SLC4A4: variants seen among roughly 807,000 people sequenced by gnomAD.
SLC4A4 encodes solute carrier family 4 member 4.
Under a neutral mutation model 111.5 loss-of-function variants are expected in SLC4A4, and 27 were observed. That is an observed-to-expected ratio of 0.24 (90% CI 0.18 to 0.33). The LOEUF (loss-of-function observed/expected upper bound fraction) is 0.33, where lower values mean the gene tolerates loss of function less well. Ranked by LOEUF, SLC4A4 falls within the 10% of genes least tolerant of loss-of-function variation. The probability of loss-of-function intolerance (pLI) is 1.00; values close to 1 mark genes in which losing one functional copy is unlikely to be tolerated. For synonymous variants in SLC4A4, 443 were observed against 463.4 expected (o/e 0.96, Z 0.57); for missense variants, 909 against 1,315.5 (o/e 0.69, Z 4.78).
At chr4:71,539,776 A>G (rs903718996) in intron 18 of SLC4A4, among the ~76,000 whole-genome samples, 3 of 152,138 alleles carry the variant, frequency 2.0e-5, no homozygotes, top group African/African-American at 7.2e-5. Context: ...GGTCAGGACC[A>G]TGTTTTATTC....
chr4:71,503,921 G>T (rs1731164587), intron 16 of SLC4A4, among the ~76,000 whole-genome samples: 2 of 152,192 alleles, frequency 1.3e-5, no homozygotes, highest in East Asian at 1.9e-4. Context: ...TTATAGCTTT[G>T]CTGGATGTGG....
At chr4:71,147,516 C>G (rs546795760) in intron 2 of SLC4A4, among the ~76,000 whole-genome samples, 1 of 152,208 alleles carries the variant, frequency 6.6e-6, no homozygotes, top group African/African-American at 2.4e-5. Flanking sequence ...CACTTCTCCC[C>G]TGGATGAACC....
chr4:71,313,512 C>T (rs1354595725), intron 3 of SLC4A4, among the ~76,000 whole-genome samples: 3 of 152,174 alleles, frequency 2.0e-5, no homozygotes, highest in Admixed American at 6.6e-5. Context: ...CATCATGCTA[C>T]CTGACTTCAA....
chr4:71,429,580 A>G (rs764920162), intron 7 of SLC4A4, among the ~76,000 whole-genome samples: 7 of 152,198 alleles, frequency 4.6e-5, no homozygotes, highest in Non-Finnish European at 8.8e-5. Flanking sequence ...ATAGCCTGGT[A>G]AAGACAAAAG....
At chr4:71,344,730 A>T (rs995244443) in intron 4 of SLC4A4, among the ~76,000 whole-genome samples, 2 of 152,134 alleles carry the variant, frequency 1.3e-5, no homozygotes, top group Non-Finnish European at 2.9e-5. Flanking sequence ...GATTTCTTAC[A>T]TATTATTGAG....
chr4:71,243,250 C>T (rs1280638483), intron 2 of SLC4A4, among the ~76,000 whole-genome samples: 3 of 152,132 alleles, frequency 2.0e-5, no homozygotes, highest in African/African-American at 7.2e-5. Flanking sequence ...AAATGCATTT[C>T]CCCTTGTCTG....
intron 3 of SLC4A4, among the ~76,000 whole-genome samples, chr4:71,281,874 C>G (rs114916814): frequency 6.6e-6 from 1 of 151,188 alleles, no homozygotes; most frequent in African/African-American, 2.4e-5. Context: ...TTGAACAATA[C>G]GTAGCACTGG....
At chr4:71,273,634 G>A (rs563668728) in intron 3 of SLC4A4, among the ~76,000 whole-genome samples, 24 of 151,424 alleles carry the variant, frequency 1.6e-4, no homozygotes, top group Admixed American at 7.9e-4. Context: ...GGGTAAAGCC[G>A]ACTTGCTCCT....
Position 71,275,307 on chromosome 4 carries a change from C to T in SLC4A4, c.253+19908C>T, listed in dbSNP as rs139220885. The stretch of plus-strand genomic sequence containing the variant: ...TAGCAGAACACATTTTTTTTTCCCT[C>T]CAAAAGAACAACTTTGTCTTGAGCA... On this transcript the variant is annotated intron_variant, in intron 3 of 25. Transcript: ENST00000264485. 4.1e-4 allele frequency among the ~76,000 whole-genome samples: 62 copies of T among 152,068 alleles called. 1 individual carries two copies. In the East Asian group the frequency reaches 0.011, roughly 27 times the overall value.
At chr4:71,250,599 G>A (rs1159555509) in intron 2 of SLC4A4, among the ~76,000 whole-genome samples, 1 of 152,094 alleles carries the variant, frequency 6.6e-6, no homozygotes, top group Non-Finnish European at 1.5e-5. Flanking sequence ...TTAGGGTGAA[G>A]GGAAAGTAAC....
upstream of SLC4A4, among the ~76,000 whole-genome samples, chr4:71,186,100 A>G (rs543824435): frequency 6.6e-6 from 1 of 152,322 alleles, no homozygotes; most frequent in Admixed American, 6.5e-5. Flanking sequence ...TCAATAGTTT[A>G]CCAATGGCAA....
chr4:71,534,083 C>A, intron 17 of SLC4A4, 144 bp from the exon 18 acceptor site: 2 of 712,074 alleles, frequency 2.8e-6, no homozygotes, highest in East Asian at 2.7e-5. Flanking sequence ...GGTGAATAAT[C>A]TTCATTCTCT....
chr4:71,451,378 A>C (rs940495403), intron 11 of SLC4A4, 77 bp downstream of exon 11: 3 of 941,918 alleles, frequency 3.2e-6, no homozygotes, highest in Non-Finnish European at 5.2e-6. Flanking sequence ...TCAACATATT[A>C]TTCACTAGTT....
chr4:71,442,048 C>A (rs1213614463), intron 8 of SLC4A4, among the ~76,000 whole-genome samples: 1 of 152,110 alleles, frequency 6.6e-6, no homozygotes, highest in African/African-American at 2.4e-5. Flanking sequence ...TTATTTATGT[C>A]TCTCTAGACT....
intron 5 of SLC4A4, among the ~76,000 whole-genome samples, chr4:71,355,003 C>T (rs528230471): frequency 2.0e-5 from 3 of 152,280 alleles, no homozygotes; most frequent in South Asian, 4.2e-4. Context: ...CCCCACTTTC[C>T]TTTGAAGGAT....
intron 18 of SLC4A4, 118 bp downstream of exon 18, chr4:71,534,506 A>G: frequency 5.6e-6 from 5 of 899,954 alleles, no homozygotes; most frequent in Non-Finnish European, 7.1e-6. Context: ...AATGTTCCTT[A>G]AGAGTCCGCA....
At chr4:71,221,689 A>G (rs149668285) in intron 1 of SLC4A4, among the ~76,000 whole-genome samples, 1 of 152,206 alleles carries the variant, frequency 6.6e-6, no homozygotes, top group Admixed American at 6.5e-5. Context: ...AGTGGCAACA[A>G]CTTGAGTCAT....
chr4:71,455,073 C>A (rs1726106015), intron 12 of SLC4A4, among the ~76,000 whole-genome samples: 1 of 152,200 alleles, frequency 6.6e-6, no homozygotes, highest in Admixed American at 6.5e-5. Context: ...CAGAAAGAGG[C>A]AGTTGCCACT....
intron 2 of SLC4A4, among the ~76,000 whole-genome samples, chr4:71,143,221 A>G (rs1205062304): frequency 2.0e-5 from 3 of 151,880 alleles, no homozygotes; most frequent in African/African-American, 7.3e-5. Flanking sequence ...TCCTTGTGAT[A>G]GTTTGCTGAG....
Sources: gnomAD v4.1 joint callset for allele counts (sites outside exome capture counted in the v4.1 genomes callset) on GRCh38, gnomAD v4.1.1 for gene constraint, MANE v1.5 for transcripts, NCBI Gene and HGNC (gene_info 2026-07-23, HGNC 2026-07-21) for gene names.